DAB1: variants seen among roughly 807,000 people sequenced by gnomAD.
The protein encoded by DAB1 is disabled homolog 1.
A neutral mutation model predicts 64.6 loss-of-function variants in DAB1; 15 were observed. The observed-to-expected ratio is 0.23, with a 90% CI of 0.16 to 0.36. The LOEUF (loss-of-function observed/expected upper bound fraction) is 0.36. Ranked by LOEUF, DAB1 falls within the 10% of genes least tolerant of loss-of-function variation. The pLI is 1.00. For missense variants in DAB1, 596 were observed against 706.7 expected, an observed-to-expected ratio of 0.84 and a Z score of 1.78; for synonymous variants, 235 against 251.9, an observed-to-expected ratio of 0.93 and a Z score of 0.64.
intron 3 of DAB1, among the ~76,000 whole-genome samples, chr1:58,455,194 G>T (rs1286548259): frequency 6.6e-6 from 1 of 152,194 alleles, no homozygotes; most frequent in East Asian, 1.9e-4. Context: ...GGCAGCCAGG[G>T]GCTGATGCAT....
intron 4 of DAB1, among the ~76,000 whole-genome samples, chr1:58,277,317 G>T (rs931730514): frequency 6.6e-6 from 1 of 152,118 alleles, no homozygotes; most frequent in African/African-American, 2.4e-5. Flanking sequence ...TGGGATTACA[G>T]GCGTGACCCA....
intron 3 of DAB1, among the ~76,000 whole-genome samples, chr1:58,484,804 C>A (rs1047859091): frequency 6.6e-6 from 1 of 151,962 alleles, no homozygotes. Context: ...GAGAAAAAAG[C>A]CAATCTGAAA....
intron 5 of DAB1, among the ~76,000 whole-genome samples, chr1:57,901,255 G>A (rs1156274323): frequency 1.3e-5 from 2 of 151,954 alleles, no homozygotes; most frequent in South Asian, 2.1e-4. Flanking sequence ...AATCATGAGC[G>A]CCTTCCATTC....
intron 5 of DAB1, among the ~76,000 whole-genome samples, chr1:58,063,959 A>G (rs1398857211): frequency 6.6e-6 from 1 of 152,228 alleles, no homozygotes; most frequent in Non-Finnish European, 1.5e-5. Context: ...TTGAAAATCA[A>G]AAAGTATTGC....
chr1:57,026,791 T>C lies in DAB1; in HGVS notation c.724-748A>G, dbSNP rs546652581. On this transcript the variant is annotated intron_variant, in intron 9 of 14. Transcript: ENST00000371236. ...ACTGCATCATCTCTCTCCCCATCCATCATATGGGAGTGTCTGAGCAAGGCC... is the reference window on the plus strand; with the variant it reads ...ACTGCATCATCTCTCTCCCCATCCACCATATGGGAGTGTCTGAGCAAGGCC... Among the ~76,000 whole-genome samples, 8 of 152,192 alleles carry C rather than the reference T, an allele frequency of 5.3e-5. No individual in the cohort carries two copies. In the Middle Eastern group the frequency reaches 0.01, roughly 194 times the overall value.
intron 5 of DAB1, among the ~76,000 whole-genome samples, chr1:58,139,878 T>G (rs562944855): frequency 6.6e-6 from 1 of 152,304 alleles, no homozygotes; most frequent in Non-Finnish European, 1.5e-5. Flanking sequence ...ATACATAAAG[T>G]GCCCAGGCCA....
At chr1:58,523,421 T>C (rs1646297984) in intron 2 of DAB1, among the ~76,000 whole-genome samples, 1 of 152,208 alleles carries the variant, frequency 6.6e-6, no homozygotes. Flanking sequence ...CGGGGTTCTC[T>C]TCAATAGCAG....
intron 3 of DAB1, among the ~76,000 whole-genome samples, chr1:58,442,528 A>C (rs1302816044): frequency 6.6e-6 from 1 of 152,224 alleles, no homozygotes; most frequent in Admixed American, 6.5e-5. Flanking sequence ...CCAAATGCCC[A>C]GTAGAATGTT....
chr1:57,005,388 T>C (rs1646030333), intron 14 of DAB1, among the ~76,000 whole-genome samples: 1 of 152,154 alleles, frequency 6.6e-6, no homozygotes, highest in South Asian at 2.1e-4. Flanking sequence ...TGGGAGCAGG[T>C]TGCATCTAGG....
chr1:57,523,864 G>C (rs1410283815), intron 7 of DAB1, among the ~76,000 whole-genome samples: 1 of 152,006 alleles, frequency 6.6e-6, no homozygotes, highest in African/African-American at 2.4e-5. Flanking sequence ...GGCAGAAGTT[G>C]CAGTGAGCCA....
chr1:58,009,589 C>G (rs1646638435), intron 5 of DAB1, among the ~76,000 whole-genome samples: 3 of 152,154 alleles, frequency 2.0e-5, no homozygotes, highest in Non-Finnish European at 4.4e-5. Context: ...GAAAAAGGCT[C>G]TGCTCTTCTT....
intron 2 of DAB1, among the ~76,000 whole-genome samples, chr1:58,514,279 G>A (rs1452990866): frequency 1.3e-5 from 2 of 152,116 alleles, no homozygotes; most frequent in Non-Finnish European, 2.9e-5. Flanking sequence ...AGTGGGATAT[G>A]ATATTCATAA....
intron 4 of DAB1, among the ~76,000 whole-genome samples, chr1:58,293,493 A>G (rs563562126): frequency 1.7e-4 from 26 of 152,220 alleles, no homozygotes; most frequent in Non-Finnish European, 2.8e-4. Context: ...AGAAGAGAAA[A>G]TAACCCAGTA....
chr1:58,251,623 T>C (rs1271977668), intron 4 of DAB1, among the ~76,000 whole-genome samples: 1 of 151,884 alleles, frequency 6.6e-6, no homozygotes, highest in East Asian at 1.9e-4. Flanking sequence ...AGGAAGGAAG[T>C]GTGGCTAGAA....
intron 2 of DAB1, among the ~76,000 whole-genome samples, chr1:57,152,988 A>G (rs956325244): frequency 1.3e-5 from 2 of 152,104 alleles, no homozygotes; most frequent in African/African-American, 2.4e-5. Context: ...ATTTCTGTAT[A>G]AATTACATAC....
At chr1:57,783,822 AC>A (rs1279095483) in intron 6 of DAB1, among the ~76,000 whole-genome samples, 1 of 152,166 alleles carries the variant, frequency 6.6e-6, no homozygotes, top group Non-Finnish European at 1.5e-5. Context: ...CACAAACTGC[AC>A]CCATATAAAA....
intron 7 of DAB1, among the ~76,000 whole-genome samples, chr1:57,491,199 C>T (rs962650303): frequency 7.9e-5 from 12 of 152,082 alleles, no homozygotes; most frequent in Non-Finnish European, 1.5e-4. Flanking sequence ...GAGGCTGAGG[C>T]GGGTGGATCA....
At chr1:57,282,824 C>A (rs982878939) in intron 2 of DAB1, among the ~76,000 whole-genome samples, 1 of 152,316 alleles carries the variant, frequency 6.6e-6, no homozygotes, top group Non-Finnish European at 1.5e-5. Flanking sequence ...GCTTACAAAT[C>A]ACAGAGTTCA....
At chr1:57,641,378 G>GTTTTTTTTTTTTTTT (rs1491296848) in intron 7 of DAB1, among the ~76,000 whole-genome samples, 4 of 109,804 alleles carry the variant, frequency 3.6e-5, no homozygotes, top group African/African-American at 6.7e-5. Context: ...TTTTTTTGTT[G>GTTTTTTTTTTTTTTT]GTTTTTTTTT....
Sources: allele counts gnomAD v4.1 joint callset (sites outside exome capture counted in the v4.1 genomes callset), GRCh38; gene constraint gnomAD v4.1.1; transcripts MANE v1.5; gene names NCBI Gene and HGNC (gene_info 2026-07-23, HGNC 2026-07-21).